The following GPHN variants were observed in gnomAD, a reference collection of about 807,000 sequenced individuals.
The protein encoded by GPHN is gephyrin.
In GPHN, 17 loss-of-function variants were observed where a neutral mutation model predicts 95.5. The ratio of observed to expected loss-of-function variants is 0.18; its 90% CI spans 0.12 to 0.27. The LOEUF is 0.27. Among genes scored for constraint, GPHN ranks in the 10% least tolerant of loss-of-function variants. The probability of loss-of-function intolerance (pLI) is 1.00; values close to 1 mark genes in which losing one functional copy is unlikely to be tolerated. For synonymous variants in GPHN, 320 were observed against 322.5 expected (o/e 0.99, Z 0.08); for missense variants, 660 against 978.1 (o/e 0.67, Z 4.34).
the GPHN span, among the ~76,000 whole-genome samples, chr14:67,206,188 CACAAA>C: frequency 6.6e-6 from 1 of 151,712 alleles, no homozygotes; most frequent in Non-Finnish European, 1.5e-5. Context: ...TCTCAAAAAA[CACAAA>C]ACAAAAGAAA....
At chr14:67,712,493 C>CAA in the GPHN span, among the ~76,000 whole-genome samples, 2,005 of 38,592 alleles carry the variant, frequency 0.052, 181 homozygotes, top group South Asian at 0.22. Context: ...AAAAAACTTG[C>CAA]AAAAAAAAAA....
intron 5 of GPHN, among the ~76,000 whole-genome samples, chr14:66,896,264 G>A (rs1376661821): frequency 6.6e-6 from 1 of 152,060 alleles, no homozygotes; most frequent in Non-Finnish European, 1.5e-5. Flanking sequence ...ATTATGGGAA[G>A]AAAAAATATG....
the GPHN span, among the ~76,000 whole-genome samples, chr14:67,305,666 G>C: frequency 3.7e-4 from 56 of 152,282 alleles, no homozygotes; most frequent in African/African-American, 1.3e-3. Flanking sequence ...TTCATGGATA[G>C]AATTAATCGA....
rs35159325 is a variant in GPHN at position 66,932,444 on chromosome 14, G to GTTTTTTTTTTTTTTTTT, written c.828+8172_828+8188dup. On this transcript the variant is annotated intron_variant, in intron 8 of 22. Transcript: ENST00000478722. Reference sequence around the variant, plus strand: ...AGGTGGGGAATCCTGCCAAGACCAGGTTTTTTTTTTTTTTTTTTTTTTTTT... The same window carrying GTTTTTTTTTTTTTTTTT: ...AGGTGGGGAATCCTGCCAAGACCAGGTTTTTTTTTTTTTTTTTTTTTTTTTTTTTTTTTTTTTTTTTT... Among the ~76,000 whole-genome samples, 4 of 24,380 alleles carry GTTTTTTTTTTTTTTTTT rather than the reference G, an allele frequency of 1.6e-4. 2 individuals are homozygous for GTTTTTTTTTTTTTTTTT. Among genetic ancestry groups the GTTTTTTTTTTTTTTTTT allele is most frequent in the Non-Finnish European group, 1.5e-4 (2 of 13,732 alleles). 16.0% of individuals were successfully genotyped at this position (24,380 alleles called of 152,430 possible).
chr14:66,861,407 C>G (rs1270737677), intron 4 of GPHN, among the ~76,000 whole-genome samples: 1 of 152,010 alleles, frequency 6.6e-6, no homozygotes, highest in Non-Finnish European at 1.5e-5. Context: ...CTGGAGACTT[C>G]AACACCCTAC....
At chr14:67,369,459 C>G in the GPHN span, among the ~76,000 whole-genome samples, 2 of 152,130 alleles carry the variant, frequency 1.3e-5, no homozygotes, top group Non-Finnish European at 2.9e-5. Flanking sequence ...ACAATTAGAT[C>G]AATGAAGACC....
chr14:67,464,849 AC>A, the GPHN span, among the ~76,000 whole-genome samples: 1 of 152,024 alleles, frequency 6.6e-6, no homozygotes, highest in Non-Finnish European at 1.5e-5. Context: ...CCTGCTCTTC[AC>A]CTCACCTCAA....
the GPHN span, among the ~76,000 whole-genome samples, chr14:67,439,542 T>C: frequency 1.9e-5 from 1 of 54,042 alleles, no homozygotes; most frequent in East Asian, 3.5e-4. Flanking sequence ...AGTTTCTTTC[T>C]TTCTTTCTTT....
At chr14:67,317,587 G>A in the GPHN span, 3 of 673,850 alleles carry the variant, frequency 4.5e-6, no homozygotes, top group Non-Finnish European at 4.8e-6. Context: ...TCATTTAGTA[G>A]AAAGTATTTT....
At chr14:66,899,645 A>G (rs2065033115) in intron 5 of GPHN, among the ~76,000 whole-genome samples, 1 of 151,756 alleles carries the variant, frequency 6.6e-6, no homozygotes, top group African/African-American at 2.4e-5. Context: ...AGTTCTTTTT[A>G]CTTATTCCTG....
intron 4 of GPHN, among the ~76,000 whole-genome samples, chr14:66,871,843 G>C (rs959119110): frequency 6.6e-6 from 1 of 152,108 alleles, no homozygotes; most frequent in African/African-American, 2.4e-5. Context: ...TTAAAACCTA[G>C]ATGACGGGTT....
chr14:66,861,139 A>G (rs1596182200), intron 4 of GPHN, among the ~76,000 whole-genome samples: 3 of 152,234 alleles, frequency 2.0e-5, no homozygotes, highest in South Asian at 4.1e-4. Flanking sequence ...CCTGTGAGAA[A>G]CACAGTTCAC....
At chr14:66,671,241 C>T (rs1331277904) in intron 1 of GPHN, among the ~76,000 whole-genome samples, 1 of 152,096 alleles carries the variant, frequency 6.6e-6, no homozygotes, top group Non-Finnish European at 1.5e-5. Context: ...GTTTTCGTGC[C>T]TTTGAGCGTG....
At chr14:66,713,612 C>T (rs983351756) in intron 2 of GPHN, among the ~76,000 whole-genome samples, 7 of 151,706 alleles carry the variant, frequency 4.6e-5, no homozygotes, top group South Asian at 2.1e-4. Flanking sequence ...TTTGGCTATG[C>T]GGGCTCTTTT....
chr14:66,682,730 A>G (rs184646429), intron 2 of GPHN, among the ~76,000 whole-genome samples: 2 of 152,302 alleles, frequency 1.3e-5, no homozygotes, highest in Admixed American at 1.3e-4. Context: ...AGCCTGGGCG[A>G]CAGAGCGAGG....
chr14:67,221,409 T>C, the GPHN span, among the ~76,000 whole-genome samples: 2 of 152,214 alleles, frequency 1.3e-5, no homozygotes, highest in South Asian at 4.1e-4. Flanking sequence ...CTTATTTATT[T>C]ACACGGCTCA....
intron 2 of GPHN, among the ~76,000 whole-genome samples, chr14:66,696,239 C>A (rs755124886): frequency 6.6e-6 from 1 of 152,114 alleles, no homozygotes; most frequent in Non-Finnish European, 1.5e-5. Flanking sequence ...AAAGAGTAAT[C>A]CTCATTAGAA....
At chr14:66,648,914 G>T (rs1234499589) in intron 1 of GPHN, among the ~76,000 whole-genome samples, 1 of 152,180 alleles carries the variant, frequency 6.6e-6, no homozygotes, top group East Asian at 1.9e-4. Flanking sequence ...GGAGACTCAG[G>T]AGAAATCCCC....
At chr14:67,694,050 T>C in the GPHN span, among the ~76,000 whole-genome samples, 1 of 152,192 alleles carries the variant, frequency 6.6e-6, no homozygotes, top group Non-Finnish European at 1.5e-5. Context: ...ATTCTCTTCT[T>C]GGCAATGTTG....
Sources: gnomAD v4.1 joint callset for allele counts (sites outside exome capture counted in the v4.1 genomes callset) on GRCh38, gnomAD v4.1.1 for gene constraint, MANE v1.5 for transcripts, NCBI Gene and HGNC (gene_info 2026-07-23, HGNC 2026-07-21) for gene names.